The following RECQL5 variants were observed in gnomAD, a reference collection of about 807,000 sequenced individuals.
RECQL5 encodes ATP-dependent DNA helicase Q5.
RECQL5 carries 88 observed loss-of-function variants against 103.4 expected under a neutral mutation model. That is an observed-to-expected ratio of 0.85 (90% CI 0.72 to 1.02). RECQL5 has a LOEUF of 1.02. Ranked by LOEUF, RECQL5 falls within the 50% of genes least tolerant of loss-of-function variation. RECQL5 has a pLI of 0.00. For missense variants in RECQL5, 1,232 were observed against 1,284.3 expected (o/e 0.96, Z 0.62); for synonymous variants, 552 against 507.9 (o/e 1.09, Z -1.17).
At chr17:75,666,852 C>T (rs1288068457) in intron 1 of RECQL5, 192 bp downstream of exon 1, 1 of 330,188 alleles carries the variant, frequency 3.0e-6, no homozygotes, top group East Asian at 6.9e-5. Context: ...ACATAAATGT[C>T]TTCAGAACAG....
In RECQL5 at chr17:75,636,630, G is replaced by T. The variant is rs997594555; in HGVS notation, c.1230-4962C>A. On this transcript the variant is annotated intron_variant, in intron 8 of 19. Transcript: ENST00000317905. The surrounding 1 kb of genome is among the most constrained non-coding windows in gnomAD (Gnocchi z 5.4). Reference sequence around the variant, plus strand: ...GGCCTGGCTTTAAATAGCCCGCTGGGAAGACCACCTGGGGACCGGCTGGAA... The same window carrying T: ...GGCCTGGCTTTAAATAGCCCGCTGGTAAGACCACCTGGGGACCGGCTGGAA... 5 of 152,292 alleles carry T rather than the reference G, an allele frequency of 3.3e-5. No homozygotes were observed. Among genetic ancestry groups the T allele is most frequent in the African/African-American group, 1.2e-4 (5 of 41,462 alleles). The allele number at this position is 152,292 out of a possible 1,614,324, so 9.4% of individuals were successfully genotyped here. A position where few individuals can be genotyped will look rare whatever the true frequency, so the allele number is the denominator to read the frequency against.
intron 8 of RECQL5, chr17:75,647,298 G>A (rs566288495): frequency 6.8e-6 from 9 of 1,324,468 alleles, no homozygotes; most frequent in East Asian, 2.5e-5. Flanking sequence ...TGGAGTCGGC[G>A]GGCAGAGCAT....
chr17:75,662,151 A>T (rs2059708259), intron 4 of RECQL5, among the ~76,000 whole-genome samples: 1 of 151,994 alleles, frequency 6.6e-6, no homozygotes, highest in Admixed American at 6.5e-5. Context: ...ACAAGAGCAA[A>T]ACTCCATCTC....
At chr17:75,650,518 T>G (rs1469097356) in intron 8 of RECQL5, 2 of 1,447,242 alleles carry the variant, frequency 1.4e-6, no homozygotes, top group Non-Finnish European at 1.8e-6. Flanking sequence ...TTTATTCACC[T>G]CTAAGTCTGA....
intron 6 of RECQL5, among the ~76,000 whole-genome samples, chr17:75,658,918 G>C (rs1568282804): frequency 6.6e-6 from 1 of 152,178 alleles, no homozygotes; most frequent in Non-Finnish European, 1.5e-5. Flanking sequence ...TCCAGAATAT[G>C]AGATTCAGAA....
At position 75,665,059 on chromosome 17, in the gene RECQL5, A is replaced by G. The variant is rs1354189498; in HGVS notation, c.244T>C (p.Leu82=). 1.3e-6 allele frequency: 2 copies of G among 1,597,074 alleles called. No homozygotes were observed. The highest frequency in any genetic ancestry group is 3.5e-5 in the Admixed American group (2 of 56,364). ...ATTGCCCTAAGCCTCACCTGAATCA[A>G]AGCAATGAGAGGAGAGACTACAATG... ...ITIVVSPLIA[L]IQDQVDHLLT... The change falls in exon 3 of 20, where the codon TTG becomes CTG. Residue 82 remains leucine, a synonymous_variant. Transcript: ENST00000317905.
At chr17:75,653,960 T>C (rs142870549) in intron 7 of RECQL5, among the ~76,000 whole-genome samples, 253 of 152,020 alleles carry the variant, frequency 1.7e-3, no homozygotes, top group African/African-American at 5.8e-3. Context: ...CACTGATATC[T>C]GAGACATCAT....
At chr17:75,631,353 G>T in intron 9 of RECQL5, 97 bp downstream of exon 9, 3 of 1,526,784 alleles carry the variant, frequency 2.0e-6, no homozygotes, top group Non-Finnish European at 2.7e-6. Flanking sequence ...AGCTCAAGGG[G>T]GGATTGCGGC....
chr17:75,635,203 G>A (rs946118740), intron 8 of RECQL5, among the ~76,000 whole-genome samples: 3 of 152,214 alleles, frequency 2.0e-5, no homozygotes, highest in African/African-American at 7.2e-5. Context: ...TGGGGGCTTC[G>A]GCTGGGGCTG....
chr17:75,661,554 G>C (rs2059699512), intron 5 of RECQL5, 52 bp downstream of exon 5: 1 of 1,271,742 alleles, frequency 7.9e-7, no homozygotes, highest in South Asian at 1.2e-5. Context: ...CAAGAGACCA[G>C]CTAAGAAGCC....
chr17:75,626,903 A>G lies in RECQL5; in HGVS notation c.*519T>C, dbSNP rs1160966953. ...AACAACACAACTTTATTCCTCTCCC[A>G]AACATCTGTCAGGCCTGGCCTTCCT... On this transcript the variant is annotated 3_prime_UTR_variant, in exon 20 of 20. Coordinates refer to ENST00000317905, the MANE Select transcript of RECQL5 (RefSeq NM_004259.7). The G allele has an allele frequency of 2.8e-6, 1 of 356,958 alleles. No homozygotes were observed. The highest frequency in any genetic ancestry group is 5.4e-6 in the Non-Finnish European group (1 of 185,092). The allele number at this position is 356,958 out of a possible 1,614,324, so 22.1% of individuals were successfully genotyped here.
Position 75,631,580 on chromosome 17 carries a change from C to G in RECQL5, c.1318G>C (p.Val440Leu). The stretch of plus-strand genomic sequence containing the variant: ...TCCAAGGCCTCCAGCCGCCTCCGCA[C>G]GGCCGTGGGGTTCTGGCAGTGGTCG... ...GCDHCQNPTAVRRRLEALERS... is the reference protein window; with the variant it reads ...GCDHCQNPTALRRRLEALERS... The change falls in exon 9 of 20, where the codon GTG becomes CTG. Residue 440 changes from valine to leucine, a missense_variant. Transcript: ENST00000317905. 6.2e-7 allele frequency: 1 copy of G among 1,613,026 alleles called. No homozygotes were observed. The highest frequency in any genetic ancestry group is 8.5e-7 in the Non-Finnish European group (1 of 1,179,922).
In RECQL5 at chr17:75,662,713, C is replaced by T. The variant is rs777354259; in HGVS notation, c.537G>A (p.Leu179=). The change falls in exon 4 of 20, where the codon CTG becomes CTA. Residue 179 remains leucine (L), a synonymous_variant. Transcript: ENST00000317905. ...FRPDYLRLGA[L]RSRLGHAPCV... is the part of the protein sequence containing the mutation. ...AAGGGGCATGTCCCAGGCGGGAGCG[C>T]AGGGCACCCAGACGCAAGTAGTCAG... 6.2e-7 allele frequency: 1 copy of T among 1,614,012 alleles called. No individual in the cohort carries two copies. The highest frequency in any genetic ancestry group is 8.5e-7 in the Non-Finnish European group (1 of 1,180,040).
intron 8 of RECQL5, chr17:75,634,021 C>T (rs2148252853): frequency 1.0e-6 from 1 of 985,620 alleles, no homozygotes; most frequent in Non-Finnish European, 1.2e-6. Context: ...TAATTTGACA[C>T]TTGGATCTCC....
intron 8 of RECQL5, chr17:75,649,720 C>T: frequency 1.0e-6 from 1 of 985,494 alleles, no homozygotes; most frequent in Non-Finnish European, 1.2e-6. Flanking sequence ...TACAGACATA[C>T]CAGCAGCGTT....
At chr17:75,647,440 CA>C in intron 8 of RECQL5, 2 of 1,550,114 alleles carry the variant, frequency 1.3e-6, no homozygotes, top group Non-Finnish European at 1.7e-6. Context: ...CCCCTGGGAC[CA>C]GGGGGGCCTG....
chr17:75,631,590 G>T lies in RECQL5; in HGVS notation c.1308C>A (p.Asn436Lys). 6.2e-7 allele frequency: 1 copy of T among 1,612,988 alleles called. No individual in the cohort carries two copies. Among genetic ancestry groups the T allele is most frequent in the Non-Finnish European group, 8.5e-7 (1 of 1,179,900 alleles). ...CCAGCCGCCTCCGCACGGCCGTGGG[G>T]TTCTGGCAGTGGTCGCAGCCTTTGG... Reference protein sequence around the residue: ...ACAKGCDHCQNPTAVRRRLEA... With the variant: ...ACAKGCDHCQKPTAVRRRLEA... The change falls in exon 9 of 20, where the codon AAC becomes AAA. Residue 436 changes from asparagine (N) to lysine (K), a missense_variant. By Grantham distance (94) the Asn-to-Lys change is moderately conservative (BLOSUM62 0). Transcript: ENST00000317905.
chr17:75,630,992 C>G lies in RECQL5; in HGVS notation c.1567G>C (p.Glu523Gln). ...QLRKGKDPKI[E>Q]EFVPPDENCP... ...TACTGACCTGGGGGTACAAATTCTT[C>G]TATCTTGGGGTCTTTGCCCTGGAGG... is the stretch of plus-strand genomic sequence containing the variant. Residue 523 changes from glutamate (E) to glutamine (Q), a missense_variant, in exon 11 of 20, where the codon GAA becomes CAA. Transcript: ENST00000317905. The G allele has an allele frequency of 6.2e-7, 1 of 1,613,922 alleles. No homozygotes were observed. The highest frequency in any genetic ancestry group is 8.5e-7 in the Non-Finnish European group (1 of 1,179,950).
intron 18 of RECQL5, 98 bp from the exon 19 acceptor site, chr17:75,627,790 C>T (rs188123094): frequency 2.0e-5 from 22 of 1,074,182 alleles, no homozygotes; most frequent in African/African-American, 3.1e-5. Context: ...GAGGCCGAGG[C>T]GGGCGGATCA....
Sources: allele counts gnomAD v4.1 joint callset (sites outside exome capture counted in the v4.1 genomes callset), GRCh38; gene constraint gnomAD v4.1.1; non-coding constraint Gnocchi (gnomAD v3.1); transcripts MANE v1.5; gene names NCBI Gene and HGNC (gene_info 2026-07-23, HGNC 2026-07-21).